Variants in SEZ6L observed in about 807,000 individuals in gnomAD.
SEZ6L encodes the protein seizure related 6 homolog like.
Under a neutral mutation model 106.2 loss-of-function variants are expected in SEZ6L, and 37 were observed. That is an observed-to-expected ratio of 0.35 (90% CI 0.27 to 0.46). The LOEUF (loss-of-function observed/expected upper bound fraction) is 0.46. Ranked by LOEUF, SEZ6L falls within the 20% of genes least tolerant of loss-of-function variation. SEZ6L has a pLI of 1.00. For missense variants in SEZ6L, 1,172 were observed against 1,332.8 expected (o/e 0.88, Z 1.88); for synonymous variants, 541 against 570.4 (o/e 0.95, Z 0.73).
intron 9 of SEZ6L, among the ~76,000 whole-genome samples, chr22:26,327,458 C>T (rs999102933): frequency 7.2e-6 from 1 of 138,202 alleles, no homozygotes; most frequent in Non-Finnish European, 1.6e-5. Flanking sequence ...ACACACCACA[C>T]ACCATACACA....
intron 1 of SEZ6L, among the ~76,000 whole-genome samples, chr22:26,232,660 G>A (rs535492288): frequency 4.6e-5 from 7 of 152,224 alleles, no homozygotes; most frequent in African/African-American, 1.7e-4. Flanking sequence ...CAGGTTTGCA[G>A]CCAGGAGCAA....
intron 2 of SEZ6L, among the ~76,000 whole-genome samples, chr22:26,293,566 A>T (rs904527472): frequency 6.6e-6 from 1 of 152,122 alleles, no homozygotes; most frequent in Non-Finnish European, 1.5e-5. Flanking sequence ...GGCTCAAGCA[A>T]TCCTCCCACC....
chr22:26,354,150 A>G (rs2146030326), intron 12 of SEZ6L, among the ~76,000 whole-genome samples: 1 of 152,332 alleles, frequency 6.6e-6, no homozygotes, highest in East Asian at 1.9e-4. Flanking sequence ...AGAACTTCAA[A>G]GTTCTAACCC....
chr22:26,326,868 C>G (rs1025863432), intron 9 of SEZ6L, among the ~76,000 whole-genome samples: 8 of 152,206 alleles, frequency 5.3e-5, no homozygotes, highest in Admixed American at 5.2e-4. Flanking sequence ...CCTGGGGAAG[C>G]CCCTGCAAAC....
intron 1 of SEZ6L, among the ~76,000 whole-genome samples, chr22:26,206,237 C>A (rs1941264228): frequency 6.6e-6 from 1 of 152,210 alleles, no homozygotes; most frequent in Admixed American, 6.5e-5. Context: ...TTACTGCTTG[C>A]CCTTGAGGGC....
chr22:26,182,385 C>T (rs1212538910), intron 1 of SEZ6L, among the ~76,000 whole-genome samples: 1 of 152,138 alleles, frequency 6.6e-6, no homozygotes, highest in Admixed American at 6.5e-5. Context: ...CCAGCTTTAT[C>T]ATTTACTGGC....
chr22:26,252,500 G>A lies in SEZ6L; in HGVS notation c.95-39906G>A, dbSNP rs1048311980. ...ATGGTACATGATGCTGAGGTTTGGAGTATGATTGATCTCATCACCCAGGTA... is the reference window on the plus strand; with the variant it reads ...ATGGTACATGATGCTGAGGTTTGGAATATGATTGATCTCATCACCCAGGTA... On this transcript the variant is annotated intron_variant, in intron 1 of 16. Transcript: ENST00000248933. Among the ~76,000 whole-genome samples, 5 of 152,312 alleles carry A rather than the reference G, an allele frequency of 3.3e-5. No homozygotes were observed. The East Asian group carries it at 9.6e-4, about 29-fold the overall frequency.
intron 6 of SEZ6L, among the ~76,000 whole-genome samples, chr22:26,307,987 C>A (rs956924299): frequency 6.6e-6 from 1 of 152,126 alleles, no homozygotes; most frequent in African/African-American, 2.4e-5. Flanking sequence ...AACCAGCTTT[C>A]AAGTGTATCA....
At chr22:26,243,801 ACCCATTAAG>A (rs1435330232) in intron 1 of SEZ6L, among the ~76,000 whole-genome samples, 1 of 152,022 alleles carries the variant, frequency 6.6e-6, no homozygotes, top group Non-Finnish European at 1.5e-5. Flanking sequence ...ATTTTATTTA[ACCCATTAAG>A]CCCCCAGAGA....
At chr22:26,260,602 A>AT (rs2079970938) in intron 1 of SEZ6L, among the ~76,000 whole-genome samples, 1 of 152,164 alleles carries the variant, frequency 6.6e-6, no homozygotes, top group Non-Finnish European at 1.5e-5. Context: ...ATATATATAC[A>AT]TATCACAATT....
At chr22:26,238,684 C>T (rs79470196) in intron 1 of SEZ6L, among the ~76,000 whole-genome samples, 4,022 of 152,302 alleles carry the variant, frequency 0.026, 190 homozygotes, top group African/African-American at 0.092. Flanking sequence ...ATTCAATATT[C>T]TCCATTGCTT....
At chr22:26,211,661 C>T (rs1007599452) in intron 1 of SEZ6L, among the ~76,000 whole-genome samples, 1 of 151,692 alleles carries the variant, frequency 6.6e-6, no homozygotes, top group Non-Finnish European at 1.5e-5. Flanking sequence ...CAAGCATCAT[C>T]AGATATTTGT....
chr22:26,216,927 G>A (rs960856815), intron 1 of SEZ6L, among the ~76,000 whole-genome samples: 16 of 152,110 alleles, frequency 1.1e-4, no homozygotes, highest in African/African-American at 2.4e-5. Context: ...GGAGGGAAGT[G>A]GTAGGGTTTA....
At chr22:26,365,702 C>T (rs1414208611) in intron 13 of SEZ6L, 136 bp downstream of exon 13, 2 of 695,928 alleles carry the variant, frequency 2.9e-6, no homozygotes, top group African/African-American at 1.8e-5. Context: ...GTGAGACCCC[C>T]ATCTCTACCA....
At chr22:26,256,538 T>C (rs747439815) in intron 1 of SEZ6L, among the ~76,000 whole-genome samples, 3 of 152,232 alleles carry the variant, frequency 2.0e-5, no homozygotes, top group African/African-American at 7.2e-5. Context: ...AAGACACAGA[T>C]GCCTCAGTGC....
At chr22:26,194,160 G>A (rs1940429986) in intron 1 of SEZ6L, among the ~76,000 whole-genome samples, 1 of 152,154 alleles carries the variant, frequency 6.6e-6, no homozygotes, top group African/African-American at 2.4e-5. Context: ...AGGCTTGTAG[G>A]CAAGAACTTT....
chr22:26,294,238 T>G, intron 2 of SEZ6L, 54 bp from the exon 3 acceptor site: 2 of 1,597,588 alleles, frequency 1.3e-6, no homozygotes, highest in Non-Finnish European at 1.7e-6. Flanking sequence ...CAGCCCATGG[T>G]TGAGCTTACA....
chr22:26,226,618 G>A (rs56201621), intron 1 of SEZ6L, among the ~76,000 whole-genome samples: 22,834 of 152,088 alleles, frequency 0.15, 2,277 homozygotes, highest in Non-Finnish European at 0.22. Context: ...CAGACTCCTG[G>A]TGAGCTCTGT....
intron 9 of SEZ6L, among the ~76,000 whole-genome samples, chr22:26,339,450 A>C (rs1337578381): frequency 2.0e-5 from 3 of 152,164 alleles, no homozygotes; most frequent in South Asian, 2.1e-4. Context: ...GAGATGGCAC[A>C]TGTTTCTGTG....
Sources: gnomAD v4.1 joint callset for allele counts (sites outside exome capture counted in the v4.1 genomes callset) on GRCh38, gnomAD v4.1.1 for gene constraint, MANE v1.5 for transcripts, NCBI Gene and HGNC (gene_info 2026-07-23, HGNC 2026-07-21) for gene names.